The following NAALADL2 variants were observed in gnomAD, a reference collection of about 807,000 sequenced individuals.
NAALADL2 encodes the protein inactive N-acetylated-alpha-linked acidic dipeptidase-like protein 2.
Under a neutral mutation model 87.2 loss-of-function variants are expected in NAALADL2, and 76 were observed. The ratio of observed to expected loss-of-function variants is 0.87; its 90% CI spans 0.72 to 1.05. NAALADL2 has a LOEUF of 1.05. Among genes scored for constraint, NAALADL2 ranks in the 50% least tolerant of loss-of-function variants. NAALADL2 has a pLI of 0.00. For synonymous variants in NAALADL2, 354 were observed against 331.0 expected (o/e 1.07, Z -0.75); for missense variants, 1,089 against 945.8 (o/e 1.15, Z -1.99).
intron 2 of NAALADL2, among the ~76,000 whole-genome samples, chr3:174,709,237 A>G (rs1168976584): frequency 6.6e-6 from 1 of 152,158 alleles, no homozygotes; most frequent in African/African-American, 2.4e-5. Flanking sequence ...AAGGTCAGAC[A>G]TATTCATTAT....
intron 1 of NAALADL2, among the ~76,000 whole-genome samples, chr3:175,067,825 A>T (rs1161590088): frequency 6.6e-6 from 1 of 152,132 alleles, no homozygotes; most frequent in East Asian, 1.9e-4. Context: ...AATAGCAAAG[A>T]CATGGAATCC....
intron 2 of NAALADL2, among the ~76,000 whole-genome samples, chr3:174,610,584 A>G (rs1331639409): frequency 1.3e-5 from 2 of 152,186 alleles, no homozygotes; most frequent in African/African-American, 4.8e-5. Context: ...ATCACTGGCC[A>G]TCAGAGAAAT....
rs1348983871 is a variant in NAALADL2, at chr3:174,509,243, A to G, written c.-183-41326A>G. 2.0e-5 allele frequency among the ~76,000 whole-genome samples: 3 copies of G among 152,080 alleles called. No individual in the cohort carries two copies. The East Asian group carries it at 5.8e-4, about 29-fold the overall frequency. ...GTGCTTTCAGTATTTCACCATATAA[A>G]GAAGGATGTTAGCTGTAGGCTTTTC... On this transcript the variant is annotated intron_variant, in intron 1 of 3. Transcript: ENST00000434257.
At chr3:174,606,061 G>A (rs1459376878) in intron 2 of NAALADL2, among the ~76,000 whole-genome samples, 1 of 152,206 alleles carries the variant, frequency 6.6e-6, no homozygotes, top group Non-Finnish European at 1.5e-5. Context: ...GGCAAACAGG[G>A]TCTGGAGTGG....
chr3:174,787,602 T>TATATATATATATACAC (rs1716924877), intron 3 of NAALADL2, among the ~76,000 whole-genome samples: 1 of 73,370 alleles, frequency 1.4e-5, no homozygotes, highest in African/African-American at 4.3e-5. Context: ...TATATATATA[T>TATATATATATATACAC]ATATATATAT....
rs950758223 is a variant in NAALADL2 at position 175,808,468 on chromosome 3, C to T, written c.*5265C>T. ...ATGATTACTCTGATTTCTTATGCAC[C>T]ATTCAGTCAAGACTTAACTCAGAGG... On this transcript the variant is annotated 3_prime_UTR_variant, in exon 14 of 14. Transcript: ENST00000454872. 3.3e-5 allele frequency: 5 copies of T among 151,858 alleles called. No homozygotes were observed. The highest frequency in any genetic ancestry group is 2.6e-4 in the Admixed American group (4 of 15,210). 9.4% of individuals were successfully genotyped at this position (151,858 alleles called of 1,614,324 possible).
Position 174,986,487 on chromosome 3 carries a change from C to T in NAALADL2, c.44-110303C>T, listed in dbSNP as rs1330881644. On this transcript the variant is annotated intron_variant, in intron 1 of 13. Coordinates refer to ENST00000454872, the MANE Select transcript of NAALADL2 (RefSeq NM_207015.3). ...ATTTATTTCTCATAGTATTATTTCT[C>T]ATTAGCATATTAGTTTTTCCGTTAA... Among the ~76,000 whole-genome samples, 12 of 151,860 alleles carry T rather than the reference C, an allele frequency of 7.9e-5. No individual in the cohort carries two copies. The East Asian group carries it at 1.2e-3, about 15-fold the overall frequency.
intron 2 of NAALADL2, among the ~76,000 whole-genome samples, chr3:174,717,407 T>C (rs2108938413): frequency 6.6e-6 from 1 of 152,216 alleles, no homozygotes; most frequent in South Asian, 2.1e-4. Flanking sequence ...GAGGGAAAAA[T>C]GTCATGCCGG....
At chr3:175,676,972 A>C (rs1734869562) in intron 11 of NAALADL2, among the ~76,000 whole-genome samples, 1 of 152,206 alleles carries the variant, frequency 6.6e-6, no homozygotes, top group South Asian at 2.1e-4. Context: ...AAACCAGGAG[A>C]TATAAATAAG....
In NAALADL2 at chr3:175,698,492, T is replaced by TATAG. The variant is rs1265336222; in HGVS notation, c.1897-38811_1897-38810insGATA. On this transcript the variant is annotated intron_variant, in intron 11 of 13. Coordinates refer to ENST00000454872, the MANE Select transcript of NAALADL2 (RefSeq NM_207015.3). ...ATGTGTGTATATATATTTATATATA[T>TATAG]ATATATATATAAAATCTCCAAGCAA... is the stretch of plus-strand genomic sequence containing the variant. Among the ~76,000 whole-genome samples, 102 of 139,392 alleles carry TATAG rather than the reference T, an allele frequency of 7.3e-4. 7 individuals are homozygous for TATAG. The highest frequency in any genetic ancestry group is 7.9e-3 in the Middle Eastern group (2 of 254). 91.4% of individuals were successfully genotyped at this position (139,392 alleles called of 152,430 possible).
chr3:174,614,551 A>G (rs1720259367), intron 2 of NAALADL2, among the ~76,000 whole-genome samples: 1 of 152,012 alleles, frequency 6.6e-6, no homozygotes, highest in Non-Finnish European at 1.5e-5. Context: ...TCTCTCCACC[A>G]CACTGCCACT....
intron 1 of NAALADL2, among the ~76,000 whole-genome samples, chr3:175,022,793 C>T (rs1751725963): frequency 6.6e-6 from 1 of 152,056 alleles, no homozygotes; most frequent in Admixed American, 6.6e-5. Flanking sequence ...AGAAAGACTG[C>T]TCAAAGCACA....
At chr3:175,028,054 A>G (rs929656606) in intron 1 of NAALADL2, among the ~76,000 whole-genome samples, 1 of 152,052 alleles carries the variant, frequency 6.6e-6, no homozygotes, top group Non-Finnish European at 1.5e-5. Flanking sequence ...TGCAATCCAG[A>G]TGTGAGCTGC....
intron 9 of NAALADL2, among the ~76,000 whole-genome samples, chr3:175,532,964 A>C (rs984414331): frequency 6.6e-6 from 1 of 152,228 alleles, no homozygotes; most frequent in Non-Finnish European, 1.5e-5. Context: ...CCATCATCCC[A>C]ATCTCCCTAA....
At chr3:175,074,185 G>C (rs1390479478) in intron 1 of NAALADL2, among the ~76,000 whole-genome samples, 1 of 152,026 alleles carries the variant, frequency 6.6e-6, no homozygotes, top group African/African-American at 2.4e-5. Flanking sequence ...ATGCATCAAA[G>C]AACAAGATGA....
intron 3 of NAALADL2, among the ~76,000 whole-genome samples, chr3:174,738,859 T>A (rs995651597): frequency 2.7e-4 from 41 of 152,128 alleles, no homozygotes; most frequent in African/African-American, 9.4e-4. Flanking sequence ...GGGGAAAAAA[T>A]TACTTTTTGA....
At chr3:175,534,886 C>G (rs2149452918) in intron 9 of NAALADL2, among the ~76,000 whole-genome samples, 1 of 151,280 alleles carries the variant, frequency 6.6e-6, no homozygotes. Flanking sequence ...GCCTTTCTTT[C>G]TTTGTTCACA....
intron 12 of NAALADL2, among the ~76,000 whole-genome samples, chr3:175,749,295 C>A (rs1010291282): frequency 6.6e-6 from 1 of 151,676 alleles, no homozygotes; most frequent in African/African-American, 2.4e-5. Context: ...GATTGGGGAA[C>A]AAAGTTAATA....
intron 1 of NAALADL2, among the ~76,000 whole-genome samples, chr3:174,541,856 GCTTCA>G (rs1722265605): frequency 6.6e-6 from 1 of 152,180 alleles, no homozygotes; most frequent in South Asian, 2.1e-4. Context: ...AGGATTCTTG[GCTTCA>G]CTCAGGAAAC....
Sources: gnomAD v4.1 joint callset for allele counts (sites outside exome capture counted in the v4.1 genomes callset) on GRCh38, gnomAD v4.1.1 for gene constraint, MANE v1.5 for transcripts, NCBI Gene and HGNC (gene_info 2026-07-23, HGNC 2026-07-21) for gene names.